KCNK4: variants seen among roughly 807,000 people sequenced by gnomAD.
KCNK4 encodes the protein potassium two pore domain channel subfamily K member 4.
In KCNK4, 22 loss-of-function variants were observed where a neutral mutation model predicts 28.8. The observed-to-expected ratio is 0.76, with a 90% CI of 0.55 to 1.09. The LOEUF (loss-of-function observed/expected upper bound fraction) is 1.09. Among genes scored for constraint, KCNK4 ranks in the 50% least tolerant of loss-of-function variants. The pLI is 0.00. For missense variants in KCNK4, 483 were observed against 546.3 expected (o/e 0.88, Z 1.15); for synonymous variants, 263 against 252.9 (o/e 1.04, Z -0.38).
At position 64,296,910 on chromosome 11, in the gene KCNK4, C is replaced by T; in HGVS notation, c.222C>T (p.Asp74=). 6.6e-7 allele frequency: 1 copy of T among 1,511,976 alleles called. No individual in the cohort carries two copies. The highest frequency in any genetic ancestry group is 8.8e-7 in the Non-Finnish European group (1 of 1,131,720). 93.7% of individuals were successfully genotyped at this position (1,511,976 alleles called of 1,614,324 possible). The change falls in exon 3 of 7, where the codon GAC becomes GAT. Residue 74 remains aspartate, a synonymous_variant. Transcript: ENST00000422670. The part of the protein sequence containing the change: ...EVADALGGGA[D]PETNSTSNSS... ...CTGATGCCCTGGGAGGGGGTGCGGA[C>T]CCAGAAACCAACTCGACCAGCAACA...
chr11:64,299,795 G>C lies in KCNK4; in HGVS notation c.*69G>C. 1.3e-6 allele frequency: 2 copies of C among 1,536,152 alleles called. No individual in the cohort carries two copies. Among genetic ancestry groups the C allele is most frequent in the African/African-American group, 1.4e-5 (1 of 73,162 alleles). ...TCTCCCCGGCATGCCTGGCTTGTTT[G>C]ACCAAAGAGCCCTCTTTCCACGAGA... On this transcript the variant is annotated 3_prime_UTR_variant, in exon 7 of 7. Coordinates refer to ENST00000422670, the MANE Select transcript of KCNK4 (RefSeq NM_033310.3).
Position 64,298,154 on chromosome 11 carries a change from T to A in KCNK4, c.706T>A (p.Trp236Arg), listed in dbSNP as rs1400145635. The part of the protein sequence containing the change: ...QDSPAYQPLV[W>R]FWILLGLAYF... ...CTCCCCGGCCTATCAGCCGCTGGTG[T>A]GGTTCTGGATCCTGCTCGGCCTGGC... Residue 236 changes from tryptophan to arginine, a missense_variant, in exon 6 of 7, where the codon TGG becomes AGG. Trp to Arg is a moderately radical substitution (Grantham distance 101, BLOSUM62 -3). Transcript: ENST00000422670. The A allele has an allele frequency of 6.2e-7, 1 of 1,613,788 alleles. No homozygotes were observed. Among genetic ancestry groups the A allele is most frequent in the Non-Finnish European group, 8.5e-7 (1 of 1,180,008 alleles).
intron 1 of KCNK4, chr11:64,292,134 G>T (rs1266568162): frequency 3.0e-6 from 3 of 989,238 alleles, no homozygotes; most frequent in Non-Finnish European, 3.6e-6. Flanking sequence ...TGCGTGCAGC[G>T]GGGCGGCGCG....
chr11:64,295,912 T>C (rs2135229779), intron 2 of KCNK4: 1 of 151,724 alleles, frequency 6.6e-6, no homozygotes, highest in South Asian at 2.1e-4. Flanking sequence ...TGGGGAAGAG[T>C]CTCTCTGACT....
At chr11:64,297,974 C>A in intron 5 of KCNK4, 136 bp from the exon 6 acceptor site, 2 of 1,058,280 alleles carry the variant, frequency 1.9e-6, no homozygotes, top group Non-Finnish European at 2.7e-6. Context: ...CCTGCCTGCA[C>A]TCACACACTC....
In KCNK4 at chr11:64,299,395, C is replaced by A. The variant is rs1165305650; in HGVS notation, c.851C>A (p.Ala284Glu). The A allele has an allele frequency of 3.8e-6, 6 of 1,573,106 alleles. No individual in the cohort carries two copies. In the African/African-American group the frequency reaches 5.5e-5, roughly 14 times the overall value. ...QAASWTGTVT[A>E]RVTQRAGPAA... ...GCCAGCTGGACTGGCACGGTGACAG[C>A]GCGCGTGACCCAGCGAGCCGGGCCC... The change falls in exon 7 of 7, where the codon GCG becomes GAG. Residue 284 changes from alanine to glutamate, a missense_variant. Physicochemically the swap from Ala to Glu is moderately radical, Grantham distance 107. Coordinates refer to ENST00000422670, the MANE Select transcript of KCNK4 (RefSeq NM_033310.3).
Position 64,293,010 on chromosome 11 carries a change from G to A in KCNK4, c.-9G>A. On this transcript the variant is annotated 5_prime_UTR_variant, in exon 2 of 7. Coordinates refer to ENST00000422670, the MANE Select transcript of KCNK4 (RefSeq NM_033310.3). ...GGGCAGTGGAGCTGGCCCGGCGCCTGGGCGCGCCATGCGCAGCACCACGCT... is the reference window on the plus strand; with the variant it reads ...GGGCAGTGGAGCTGGCCCGGCGCCTAGGCGCGCCATGCGCAGCACCACGCT... 1 of 1,539,288 alleles carries A rather than the reference G, an allele frequency of 6.5e-7. No individual in the cohort carries two copies. The highest frequency in any genetic ancestry group is 8.7e-7 in the Non-Finnish European group (1 of 1,142,926).
chr11:64,296,389 GA>G (rs1474230836), intron 2 of KCNK4, among the ~76,000 whole-genome samples: 4 of 152,060 alleles, frequency 2.6e-5, no homozygotes. Context: ...GGTGGGGTTG[GA>G]AAGCTGGAAA....
In KCNK4 at chr11:64,295,087, G is replaced by C. The variant is rs182922984; in HGVS notation, c.190-1791G>C. Among the ~76,000 whole-genome samples the C allele has an allele frequency of 2.0e-5, 3 of 152,336 alleles. No individual in the cohort carries two copies. The East Asian group carries it at 5.8e-4, about 29-fold the overall frequency. ...TGCAGCAACTGTGCACCTACTGTGT[G>C]CTAGGTGCTGTAGTGTTATATGCCA... On this transcript the variant is annotated intron_variant, in intron 2 of 6. Coordinates refer to ENST00000422670, the MANE Select transcript of KCNK4 (RefSeq NM_033310.3).
chr11:64,299,056 A>G, intron 6 of KCNK4, among the ~76,000 whole-genome samples: 1 of 150,694 alleles, frequency 6.6e-6, no homozygotes, highest in African/African-American at 2.4e-5. Flanking sequence ...AGAAGAAAAA[A>G]AAAAAAAAAA....
chr11:64,298,309 A>G (rs1231022223), intron 6 of KCNK4, 60 bp downstream of exon 6: 2 of 1,594,546 alleles, frequency 1.3e-6, no homozygotes, highest in African/African-American at 1.3e-5. Flanking sequence ...GCTGTTCCCT[A>G]GCAGGGGGTT....
chr11:64,297,595 G>A lies in KCNK4; in HGVS notation c.603G>A (p.Glu201=), dbSNP rs375047517. Residue 201 remains glutamate (E), a synonymous_variant, in exon 5 of 7, where the codon GAG becomes GAA. Transcript: ENST00000422670. ...FCYMEDWSKL[E]AIYFVIVTLT... ...ATATGGAGGACTGGAGCAAGCTGGA[G>A]GCCATCTACTTTGTCATAGTGACGC... The A allele has an allele frequency of 1.2e-6, 2 of 1,614,154 alleles. No individual in the cohort carries two copies.
intron 2 of KCNK4, among the ~76,000 whole-genome samples, chr11:64,294,167 A>AG (rs986989350): frequency 7.9e-5 from 12 of 152,152 alleles, no homozygotes; most frequent in Non-Finnish European, 1.5e-4. Flanking sequence ...TGTGGGGAGA[A>AG]GGGGGGGTGC....
chr11:64,297,356 G>C (rs536504981), intron 4 of KCNK4, 77 bp downstream of exon 4: 1 of 1,572,986 alleles, frequency 6.4e-7, no homozygotes, highest in Non-Finnish European at 8.6e-7. Flanking sequence ...ACATGAGCGC[G>C]CCCCCAAAGA....
Position 64,297,684 on chromosome 11 carries a change from C to G in KCNK4, c.661+31C>G, listed in dbSNP as rs543274764. 67 of 1,594,680 alleles carry G rather than the reference C, an allele frequency of 4.2e-5. 2 individuals are homozygous for G. The South Asian group carries it at 7.5e-4, about 18-fold the overall frequency. The stretch of plus-strand genomic sequence containing the variant: ...GCCGCCCTTCTTGTGCTGCACTTTC[C>G]CATCTACTTTATTCCTGATCAGGGG... On this transcript the variant is annotated intron_variant, in intron 5 of 6. Coordinates refer to ENST00000422670, the MANE Select transcript of KCNK4 (RefSeq NM_033310.3).
rs545416408 is a variant in KCNK4, at chr11:64,291,430, C to G, written c.-214C>G. 2.6e-5 allele frequency: 4 copies of G among 152,496 alleles called. No homozygotes were observed. Among genetic ancestry groups the G allele is most frequent in the African/African-American group, 7.2e-5 (3 of 41,602 alleles). The allele number at this position is 152,496 out of a possible 1,614,324, so 9.4% of individuals were successfully genotyped here. A position where few individuals can be genotyped will look rare whatever the true frequency, so the allele number is the denominator to read the frequency against. On this transcript the variant is annotated 5_prime_UTR_variant, in exon 1 of 7. Transcript: ENST00000422670. ...CCGGAGAGACGGGCCAGCTGATGCCCAGGTCGGGGCCCTGCCGCTGGCCAC... is the reference window on the plus strand; with the variant it reads ...CCGGAGAGACGGGCCAGCTGATGCCGAGGTCGGGGCCCTGCCGCTGGCCAC...
intron 2 of KCNK4, among the ~76,000 whole-genome samples, chr11:64,296,376 A>T (rs1376081036): frequency 6.6e-6 from 1 of 151,920 alleles, no homozygotes; most frequent in African/African-American, 2.4e-5. Context: ...GTGCAATGGG[A>T]GTGGTGGGGT....
In KCNK4 at chr11:64,299,613, C is replaced by A. The variant is rs764329658; in HGVS notation, c.1069C>A (p.Arg357Ser). Reference sequence around the variant, plus strand: ...CGAGTCCTCGGATACGCAGAGCGAGCGCGGCTGCCCGCTGCCCCGCGCGCC... The same window carrying A: ...CGAGTCCTCGGATACGCAGAGCGAGAGCGGCTGCCCGCTGCCCCGCGCGCC... Reference protein sequence around the residue: ...IDESSDTQSERGCPLPRAPRG... With the variant: ...IDESSDTQSESGCPLPRAPRG... Residue 357 changes from arginine to serine, a missense_variant, in exon 7 of 7, where the codon CGC becomes AGC. By Grantham distance (110) the Arg-to-Ser change is moderately radical (BLOSUM62 -1). Coordinates refer to ENST00000422670, the MANE Select transcript of KCNK4 (RefSeq NM_033310.3). The A allele has an allele frequency of 6.2e-7, 1 of 1,608,504 alleles. No homozygotes were observed. The highest frequency in any genetic ancestry group is 1.1e-5 in the South Asian group (1 of 90,826).
intron 1 of KCNK4, chr11:64,291,953 G>C: frequency 1.1e-6 from 1 of 936,242 alleles, no homozygotes; most frequent in South Asian, 1.9e-5. Flanking sequence ...GTGCGGACGC[G>C]GGGGAGGCGG....
Sources: allele counts gnomAD v4.1 joint callset (sites outside exome capture counted in the v4.1 genomes callset), GRCh38; gene constraint gnomAD v4.1.1; transcripts MANE v1.5; gene names NCBI Gene and HGNC (gene_info 2026-07-23, HGNC 2026-07-21).